Variants in PRKCB observed in about 807,000 individuals in gnomAD.
PRKCB encodes the protein protein kinase C beta type.
PRKCB carries 13 observed loss-of-function variants against 81.5 expected under a neutral mutation model. The observed-to-expected ratio is 0.16, with a 90% confidence interval of 0.10 to 0.25. The LOEUF (loss-of-function observed/expected upper bound fraction) is 0.25. PRKCB is among the 10% of genes least tolerant of loss of function. The probability of loss-of-function intolerance (pLI) is 1.00; values close to 1 mark genes in which losing one functional copy is unlikely to be tolerated. For synonymous variants in PRKCB, 335 were observed against 321.4 expected, an observed-to-expected ratio of 1.04 and a Z score of -0.45; for missense variants, 509 against 875.7, an observed-to-expected ratio of 0.58 and a Z score of 5.29.
chr16:24,030,866 C>T (rs1329701045), intron 3 of PRKCB, among the ~76,000 whole-genome samples: 1 of 151,388 alleles, frequency 6.6e-6, no homozygotes, highest in African/African-American at 2.4e-5. Context: ...CCACTGCACT[C>T]CAGCCTGGGT....
intron 2 of PRKCB, among the ~76,000 whole-genome samples, chr16:23,875,029 T>C (rs1346807959): frequency 1.5e-5 from 2 of 132,054 alleles, no homozygotes; most frequent in Non-Finnish European, 3.1e-5. Context: ...TGATCCTTTC[T>C]CTATGTCCTT....
At chr16:24,035,742 CTG>C (rs1400701811) in intron 5 of PRKCB, among the ~76,000 whole-genome samples, 195 bp downstream of exon 5, 1 of 152,188 alleles carries the variant, frequency 6.6e-6, no homozygotes, top group Non-Finnish European at 1.5e-5. Context: ...TCTTTAGAAA[CTG>C]TACACCCTCA....
intron 2 of PRKCB, among the ~76,000 whole-genome samples, chr16:23,976,655 T>G (rs1276382210): frequency 6.6e-6 from 1 of 152,250 alleles, no homozygotes; most frequent in Non-Finnish European, 1.5e-5. Flanking sequence ...GCTTCTGGTC[T>G]GAGCAATCTG....
At chr16:23,964,042 T>C (rs1964457453) in intron 2 of PRKCB, among the ~76,000 whole-genome samples, 1 of 152,168 alleles carries the variant, frequency 6.6e-6, no homozygotes, top group African/African-American at 2.4e-5. Context: ...TTAAATGAGG[T>C]ATGAAGCATC....
In PRKCB at chr16:23,907,538, T is replaced by C. The variant is rs1468884826; in HGVS notation, c.205+70132T>C. ...GCCTAGGCCTCCTGAAGCACTGGGA[T>C]TATGGGCGTGAGCCACTGTGCCCAG... On this transcript the variant is annotated intron_variant, in intron 2 of 16. Transcript: ENST00000643927. Among the ~76,000 whole-genome samples, 9 of 152,340 alleles carry C rather than the reference T, an allele frequency of 5.9e-5. No homozygotes were observed. The East Asian group carries it at 1.3e-3, about 23-fold the overall frequency.
chr16:23,950,054 C>T (rs746209493), intron 2 of PRKCB, among the ~76,000 whole-genome samples: 6 of 150,390 alleles, frequency 4.0e-5, no homozygotes, highest in African/African-American at 7.3e-5. Flanking sequence ...GGAGCCTCGC[C>T]GTGGGGCGGA....
At chr16:24,118,932 A>G (rs1966765667) in intron 8 of PRKCB, among the ~76,000 whole-genome samples, 1 of 152,094 alleles carries the variant, frequency 6.6e-6, no homozygotes, top group Admixed American at 6.5e-5. Flanking sequence ...CCACAAACCC[A>G]GGTGTTTTCA....
intron 2 of PRKCB, among the ~76,000 whole-genome samples, chr16:23,942,974 G>T (rs72777998): frequency 0.094 from 14,247 of 152,180 alleles, 951 homozygotes; most frequent in South Asian, 0.17. Flanking sequence ...CTTCTATCTT[G>T]TTCTTCCACT....
At chr16:24,117,173 C>A (rs1258798749) in intron 8 of PRKCB, among the ~76,000 whole-genome samples, 3 of 151,144 alleles carry the variant, frequency 2.0e-5, no homozygotes, top group Non-Finnish European at 4.4e-5. Context: ...GGGCGATAAC[C>A]AATTAGCACC....
At chr16:23,964,388 C>G (rs1178928455) in intron 2 of PRKCB, among the ~76,000 whole-genome samples, 1 of 152,198 alleles carries the variant, frequency 6.6e-6, no homozygotes, top group East Asian at 1.9e-4. Context: ...CTTTGCGCTA[C>G]AAGGATGGAA....
chr16:24,187,246 A>G (rs1208924643), intron 15 of PRKCB, among the ~76,000 whole-genome samples: 2 of 152,232 alleles, frequency 1.3e-5, no homozygotes, highest in African/African-American at 2.4e-5. Context: ...ATTGGAAACC[A>G]TGGCCCTCTG....
intron 10 of PRKCB, among the ~76,000 whole-genome samples, chr16:24,167,420 T>C (rs1209610025): frequency 6.6e-6 from 1 of 152,018 alleles, no homozygotes; most frequent in African/African-American, 2.4e-5. Flanking sequence ...ATTAGCCAAG[T>C]GTGGTTGTGT....
Position 23,972,206 on chromosome 16 carries a change from G to A in PRKCB, c.206-16302G>A, listed in dbSNP as rs1964566321. Among the ~76,000 whole-genome samples the A allele has an allele frequency of 3.3e-5, 5 of 152,286 alleles. No homozygotes were observed. The South Asian group carries it at 1.0e-3, about 32-fold the overall frequency. On this transcript the variant is annotated intron_variant, in intron 2 of 16. Coordinates refer to ENST00000643927, the MANE Select transcript of PRKCB (RefSeq NM_002738.7). ...ACACAAAATAGTGCATACTGTACGA[G>A]GCCATTAATCTATATAGTAACAGAA...
At chr16:23,840,972 G>A (rs987172988) in intron 2 of PRKCB, among the ~76,000 whole-genome samples, 2 of 152,156 alleles carry the variant, frequency 1.3e-5, no homozygotes, top group Non-Finnish European at 2.9e-5. Context: ...AGGGAACTGG[G>A]GCTGAAGATC....
chr16:24,037,143 C>T (rs1965633280), intron 5 of PRKCB, among the ~76,000 whole-genome samples: 1 of 152,130 alleles, frequency 6.6e-6, no homozygotes, highest in East Asian at 1.9e-4. Context: ...CGCCCACCAC[C>T]ACGCCTGGCT....
At chr16:24,004,478 CAAA>C (rs71154264) in intron 3 of PRKCB, among the ~76,000 whole-genome samples, 2 of 47,424 alleles carry the variant, frequency 4.2e-5, no homozygotes, top group Non-Finnish European at 9.1e-5. Context: ...CAAGTCTCTA[CAAA>C]AAAAAAAAAA....
chr16:24,164,675 C>T (rs780095498), intron 10 of PRKCB, among the ~76,000 whole-genome samples: 1 of 152,202 alleles, frequency 6.6e-6, no homozygotes, highest in Non-Finnish European at 1.5e-5. Context: ...AGTCAAGACT[C>T]ATCAGCCCAG....
chr16:23,929,235 G>A (rs1030776657), intron 2 of PRKCB, among the ~76,000 whole-genome samples: 13 of 152,242 alleles, frequency 8.5e-5, no homozygotes, highest in Admixed American at 3.3e-4. Flanking sequence ...CAGAAAATAC[G>A]AGGAGGACTT....
chr16:23,960,710 T>C (rs555439810), intron 2 of PRKCB, among the ~76,000 whole-genome samples: 3 of 152,356 alleles, frequency 2.0e-5, no homozygotes, highest in Admixed American at 2.0e-4. Context: ...CGCCCACTTA[T>C]AAGTGAGAAC....
Sources: gnomAD v4.1 joint callset for allele counts (sites outside exome capture counted in the v4.1 genomes callset) on GRCh38, gnomAD v4.1.1 for gene constraint, MANE v1.5 for transcripts, NCBI Gene and HGNC (gene_info 2026-07-23, HGNC 2026-07-21) for gene names.